The following TRIM67 variants were observed in gnomAD, a reference collection of about 807,000 sequenced individuals.
TRIM67 encodes tripartite motif-containing protein 67.
In TRIM67, 39 loss-of-function variants were observed where a neutral mutation model predicts 71.0. The ratio of observed to expected loss-of-function variants is 0.55; its 90% confidence interval spans 0.43 to 0.72. The LOEUF is 0.72. TRIM67 is among the 30% of genes least tolerant of loss of function. TRIM67 has a pLI of 0.00. For missense variants in TRIM67, 973 were observed against 1,079.2 expected (o/e 0.90, Z 1.38); for synonymous variants, 481 against 473.9 (o/e 1.01, Z -0.19).
intron 1 of TRIM67, among the ~76,000 whole-genome samples, chr1:231,193,170 C>T (rs1683277690): frequency 6.6e-6 from 1 of 152,244 alleles, no homozygotes; most frequent in Non-Finnish European, 1.5e-5. Flanking sequence ...AGGGATCTAT[C>T]CCACTCTTTG....
chr1:231,211,503 C>T (rs1273185100), intron 8 of TRIM67, among the ~76,000 whole-genome samples: 3 of 152,186 alleles, frequency 2.0e-5, no homozygotes, highest in South Asian at 2.1e-4. Flanking sequence ...TACCGCCACC[C>T]GGTGGTCGGT....
intron 1 of TRIM67, among the ~76,000 whole-genome samples, chr1:231,180,936 C>T (rs977395759): frequency 1.3e-5 from 2 of 151,818 alleles, no homozygotes; most frequent in African/African-American, 4.9e-5. Flanking sequence ...ATGGATAGTG[C>T]CACCTCTCAG....
chr1:231,185,140 G>A (rs1175761635), intron 1 of TRIM67: 2 of 1,532,822 alleles, frequency 1.3e-6, no homozygotes, highest in Middle Eastern at 2.3e-4. Context: ...TCAATGGGAA[G>A]TGTGTGTTGT....
At chr1:231,168,867 G>T (rs1293179257) in intron 1 of TRIM67, among the ~76,000 whole-genome samples, 1 of 152,176 alleles carries the variant, frequency 6.6e-6, no homozygotes, top group African/African-American at 2.4e-5. Context: ...GAGTTAGGTA[G>T]GGAGAAGTGT....
At chr1:231,172,490 T>TG (rs1261164490) in intron 1 of TRIM67, among the ~76,000 whole-genome samples, 1 of 152,012 alleles carries the variant, frequency 6.6e-6, no homozygotes, top group East Asian at 1.9e-4. Context: ...AAAGGAGATG[T>TG]GGTGTGGAGG....
rs1183925708 is a variant in TRIM67 at position 231,162,554 on chromosome 1, G to A, written c.-416G>A. On this transcript the variant is annotated 5_prime_UTR_variant, in exon 1 of 10. Transcript: ENST00000366653. ...GGCCTCGGGGTAGCCGCCCACCGGA[G>A]CCAGGGGCTGAAGCAGCGAGCGCAC... is the stretch of plus-strand genomic sequence containing the variant. 3 of 199,424 alleles carry A rather than the reference G, an allele frequency of 1.5e-5. No homozygotes were observed. The highest frequency in any genetic ancestry group is 4.7e-5 in the African/African-American group (2 of 42,220). The allele number at this position is 199,424 out of a possible 1,614,324, so 12.4% of individuals were successfully genotyped here.
chr1:231,180,385 GA>G (rs1558294073), intron 1 of TRIM67, among the ~76,000 whole-genome samples: 1 of 151,848 alleles, frequency 6.6e-6, no homozygotes. Context: ...CTCTAATTAA[GA>G]AAAAACACTC....
intron 6 of TRIM67, among the ~76,000 whole-genome samples, chr1:231,206,282 T>A (rs1273655819): frequency 6.6e-6 from 1 of 151,084 alleles, no homozygotes; most frequent in African/African-American, 2.4e-5. Context: ...TATATATATA[T>A]ATATATAAAT....
chr1:231,201,673 C>T (rs1683529057), intron 5 of TRIM67, among the ~76,000 whole-genome samples, 156 bp downstream of exon 5: 1 of 152,200 alleles, frequency 6.6e-6, no homozygotes, highest in Non-Finnish European at 1.5e-5. Context: ...GGTTCAAGTC[C>T]CAGCTCAGCC....
chr1:231,201,211 G>A (rs1683510577), intron 4 of TRIM67, 147 bp from the exon 5 acceptor site: 1 of 722,444 alleles, frequency 1.4e-6, no homozygotes, highest in Non-Finnish European at 2.2e-6. Context: ...GTGGACAGGA[G>A]TCATTTAATC....
At chr1:231,205,996 C>T (rs970938297) in intron 6 of TRIM67, among the ~76,000 whole-genome samples, 5 of 152,224 alleles carry the variant, frequency 3.3e-5, no homozygotes, top group South Asian at 2.1e-4. Context: ...GACCCCATCA[C>T]GCCTCGCCGC....
intron 1 of TRIM67, among the ~76,000 whole-genome samples, chr1:231,164,460 G>A (rs1340826180): frequency 6.6e-6 from 1 of 152,154 alleles, no homozygotes; most frequent in Non-Finnish European, 1.5e-5. Context: ...AAAGAGAGGA[G>A]CCATCAAAAT....
chr1:231,205,583 G>A (rs979228928), intron 6 of TRIM67, among the ~76,000 whole-genome samples: 2 of 152,000 alleles, frequency 1.3e-5, no homozygotes, highest in African/African-American at 2.4e-5. Flanking sequence ...AAAATTACCC[G>A]GGCATGGTGG....
chr1:231,177,258 G>C (rs1280387619), intron 1 of TRIM67, among the ~76,000 whole-genome samples: 2 of 152,160 alleles, frequency 1.3e-5, no homozygotes, highest in Admixed American at 1.3e-4. Context: ...GGAAGGATGG[G>C]GTAGGGGGTG....
chr1:231,185,163 C>T (rs138028292), intron 1 of TRIM67: 2 of 1,532,906 alleles, frequency 1.3e-6, no homozygotes, highest in Non-Finnish European at 1.7e-6. Context: ...AGCCAGCCAG[C>T]CTGTACTCCA....
At chr1:231,180,570 A>G (rs1004479212) in intron 1 of TRIM67, among the ~76,000 whole-genome samples, 2 of 152,176 alleles carry the variant, frequency 1.3e-5, no homozygotes, top group African/African-American at 4.8e-5. Context: ...TATTGCATTG[A>G]AGATGGCAGC....
At chr1:231,197,347 T>C (rs1291810728) in intron 1 of TRIM67, 24 bp from the exon 2 acceptor site, 1 of 1,607,706 alleles carries the variant, frequency 6.2e-7, no homozygotes, top group Non-Finnish European at 8.5e-7. Flanking sequence ...AATTTTTCTT[T>C]TCAACATGTG....
chr1:231,210,368 G>C (rs143370462), intron 8 of TRIM67, among the ~76,000 whole-genome samples: 382 of 152,110 alleles, frequency 2.5e-3, no homozygotes, highest in African/African-American at 8.6e-3. Flanking sequence ...CTTTCTCAGG[G>C]AAGCCACGTC....
chr1:231,204,672 C>G (rs1214276241), intron 6 of TRIM67, among the ~76,000 whole-genome samples: 2 of 152,202 alleles, frequency 1.3e-5, no homozygotes, highest in Non-Finnish European at 2.9e-5. Flanking sequence ...CCAGAGAGCA[C>G]AAACTCTGGG....
Sources: gnomAD v4.1 joint callset for allele counts (sites outside exome capture counted in the v4.1 genomes callset) on GRCh38, gnomAD v4.1.1 for gene constraint, MANE v1.5 for transcripts, NCBI Gene and HGNC (gene_info 2026-07-23, HGNC 2026-07-21) for gene names.